The following PTPN13 variants were observed in gnomAD, a reference collection of about 807,000 sequenced individuals.
PTPN13 encodes tyrosine-protein phosphatase non-receptor type 13.
A neutral mutation model predicts 284.0 loss-of-function variants in PTPN13; 191 were observed. That is an observed-to-expected ratio of 0.67 (90% CI 0.60 to 0.76). The LOEUF is 0.76. Among genes scored for constraint, PTPN13 ranks in the 30% least tolerant of loss-of-function variants. The pLI, the probability that PTPN13 is intolerant of heterozygous loss-of-function variation, is 0.00. For synonymous variants in PTPN13, 986 were observed against 1,022.3 expected, an observed-to-expected ratio of 0.96 and a Z score of 0.68; for missense variants, 2,797 against 2,939.9, an observed-to-expected ratio of 0.95 and a Z score of 1.12.
At chr4:86,771,098 T>C (rs1739944616) in intron 30 of PTPN13, 73 bp from the exon 31 acceptor site, 2 of 1,443,302 alleles carry the variant, frequency 1.4e-6, no homozygotes. Flanking sequence ...AGTTGTTCAA[T>C]GGTTTATTTT....
At chr4:86,723,562 A>G (rs1733907570) in intron 10 of PTPN13, among the ~76,000 whole-genome samples, 1 of 152,238 alleles carries the variant, frequency 6.6e-6, no homozygotes. Flanking sequence ...CCCTGCAGCT[A>G]ACTCATTGCA....
At chr4:86,620,571 C>T (rs540775046) in intron 1 of PTPN13, among the ~76,000 whole-genome samples, 1 of 152,306 alleles carries the variant, frequency 6.6e-6, no homozygotes, top group African/African-American at 2.4e-5. Context: ...GGACCTCTTT[C>T]TCCAAGTTTC....
chr4:86,748,475 C>A (rs1270717924), intron 17 of PTPN13, among the ~76,000 whole-genome samples: 1 of 152,120 alleles, frequency 6.6e-6, no homozygotes, highest in Non-Finnish European at 1.5e-5. Context: ...AGCCTGCTAT[C>A]CTTATTCCTG....
Position 86,692,771 on chromosome 4 carries a change from C to T in PTPN13, c.547-816C>T, listed in dbSNP as rs748499409. On this transcript the variant is annotated intron_variant, in intron 5 of 47. Coordinates refer to ENST00000411767, the MANE Select transcript of PTPN13 (RefSeq NM_080683.3). Reference sequence around the variant, plus strand: ...GATTTAAATTTGTTATCCCTCAGAGCGTCCATTTAAAGACTTAGCATTTCT... The same window carrying T: ...GATTTAAATTTGTTATCCCTCAGAGTGTCCATTTAAAGACTTAGCATTTCT... 5.3e-5 allele frequency among the ~76,000 whole-genome samples: 8 copies of T among 152,082 alleles called. No homozygotes were observed. In the South Asian group the frequency reaches 6.2e-4, roughly 12 times the overall value.
At chr4:86,638,522 C>A (rs1039028180) in intron 2 of PTPN13, among the ~76,000 whole-genome samples, 2 of 152,058 alleles carry the variant, frequency 1.3e-5, no homozygotes, top group African/African-American at 4.8e-5. Context: ...AGAAATAATG[C>A]CACATATCTA....
At chr4:86,606,174 G>C (rs1764724018) in intron 1 of PTPN13, among the ~76,000 whole-genome samples, 1 of 151,752 alleles carries the variant, frequency 6.6e-6, no homozygotes, top group South Asian at 2.1e-4. Context: ...TTTAGAACAA[G>C]CGCCAACAAA....
At chr4:86,706,299 C>A (rs1455014543) in intron 7 of PTPN13, among the ~76,000 whole-genome samples, 2 of 152,102 alleles carry the variant, frequency 1.3e-5, no homozygotes, top group Non-Finnish European at 2.9e-5. Context: ...AAGAAGAGAC[C>A]AGATACATGT....
rs888139106 is a variant in PTPN13 at position 86,594,688 on chromosome 4, C to T, written c.-107C>T. 3.9e-5 allele frequency: 6 copies of T among 152,426 alleles called. No individual in the cohort carries two copies. Among genetic ancestry groups the T allele is most frequent in the African/African-American group, 1.2e-4 (5 of 41,540 alleles). 9.4% of individuals were successfully genotyped at this position (152,426 alleles called of 1,614,324 possible). ...CCGCTTGTGGGAGAAGTGGTGGTGG[C>T]TCTCGGCGCCCGCGGCGGCTGCCGG... On this transcript the variant is annotated 5_prime_UTR_variant, in exon 1 of 48. Transcript: ENST00000411767.
At chr4:86,662,458 A>T (rs1017354698) in intron 2 of PTPN13, among the ~76,000 whole-genome samples, 15 of 152,026 alleles carry the variant, frequency 9.9e-5, no homozygotes, top group Admixed American at 9.2e-4. Flanking sequence ...CAGCCTCCCA[A>T]ATACCTGGAA....
In PTPN13 at chr4:86,725,340, G is replaced by T. The variant is rs538027267; in HGVS notation, c.1608+2906G>T. 1.4e-3 allele frequency among the ~76,000 whole-genome samples: 212 copies of T among 149,372 alleles called. 16 individuals are homozygous for T. Among genetic ancestry groups the T allele is most frequent in the African/African-American group, 3.9e-3 (159 of 41,026 alleles). ...TCCTTTGGGTATATACCCAGTAATA[G>T]GATCGCTGGGTCAAATGGTGTTTCT... is the stretch of plus-strand genomic sequence containing the variant. On this transcript the variant is annotated intron_variant, in intron 10 of 47. Transcript: ENST00000411767.
chr4:86,772,966 G>A lies in PTPN13; in HGVS notation c.5349+8G>A, dbSNP rs1166148196. On this transcript the variant is annotated splice_region_variant and intron_variant, in intron 32 of 47. Coordinates refer to ENST00000411767, the MANE Select transcript of PTPN13 (RefSeq NM_080683.3). Reference sequence around the variant, plus strand: ...CTTGAAGACTTTGAACTGGTAAGTTGTTTTCTCTATATTTAAAAAAAAATC... The same window carrying A: ...CTTGAAGACTTTGAACTGGTAAGTTATTTTCTCTATATTTAAAAAAAAATC... The A allele has an allele frequency of 1.3e-6, 2 of 1,532,424 alleles. No homozygotes were observed. The highest frequency in any genetic ancestry group is 2.3e-5 in the East Asian group (1 of 43,256). The allele number at this position is 1,532,424 out of a possible 1,614,324, so 94.9% of individuals were successfully genotyped here.
chr4:86,794,090 G>A (rs1185117526), intron 40 of PTPN13, among the ~76,000 whole-genome samples: 1 of 152,020 alleles, frequency 6.6e-6, no homozygotes. Context: ...CAACAAAATA[G>A]ACTGCTAGCA....
At chr4:86,598,356 T>G (rs4513526) in intron 1 of PTPN13, among the ~76,000 whole-genome samples, 39,531 of 151,942 alleles carry the variant, frequency 0.26, 5,221 homozygotes, top group East Asian at 0.31. Context: ...TGTTGGCCAG[T>G]CTGGTCTTGA....
chr4:86,768,709 CTTTTTTTTTTT>C (rs774501203), intron 28 of PTPN13, among the ~76,000 whole-genome samples: 2 of 130,432 alleles, frequency 1.5e-5, no homozygotes, highest in Non-Finnish European at 3.2e-5. Context: ...TTTCTTCCAT[CTTTTTTTTTTT>C]TTTTTTTTGA....
chr4:86,765,412 T>C lies in PTPN13; in HGVS notation c.4167T>C (p.Ser1389=). Residue 1389 remains serine, a synonymous_variant, in exon 26 of 48, where the codon AGT becomes AGC. Coordinates refer to ENST00000411767, the MANE Select transcript of PTPN13 (RefSeq NM_080683.3). ...GISVTGGVNT[S]VRHGGIYVKA... is the part of the protein sequence containing the mutation. Reference sequence around the variant, plus strand: ...CTCTTTAGGGAGGTGTGAATACGAGTGTCAGACATGGTGGCATTTATGTGA... The same window carrying C: ...CTCTTTAGGGAGGTGTGAATACGAGCGTCAGACATGGTGGCATTTATGTGA... 6.2e-7 allele frequency: 1 copy of C among 1,600,376 alleles called. No homozygotes were observed.
At position 86,713,464 on chromosome 4, in the gene PTPN13, A is replaced by G. The variant is rs149523362; in HGVS notation, c.1196-3066A>G. Among the ~76,000 whole-genome samples the G allele has an allele frequency of 7.9e-5, 12 of 152,246 alleles. No homozygotes were observed. In the East Asian group the frequency reaches 2.1e-3, roughly 27 times the overall value. ...ACAGTCCATTCAAATTACATTCATA[A>G]TGAGCCAGAGGATTATTTTAAATTG... On this transcript the variant is annotated intron_variant, in intron 7 of 47. Transcript: ENST00000411767.
At position 86,769,797 on chromosome 4, in the gene PTPN13, A is replaced by G; in HGVS notation, c.4518A>G (p.Lys1506=). Residue 1506 remains lysine (K), a synonymous_variant, in exon 29 of 48, where the codon AAA becomes AAG. Coordinates refer to ENST00000411767, the MANE Select transcript of PTPN13 (RefSeq NM_080683.3). ...ATACATTTGAGGTAAAATTATTTAAAAATAGCTCAGGTCTAGGATTCAGTT... is the reference window on the plus strand; with the variant it reads ...ATACATTTGAGGTAAAATTATTTAAGAATAGCTCAGGTCTAGGATTCAGTT... ...EENTFEVKLF[K]NSSGLGFSFS... 1 of 1,601,506 alleles carries G rather than the reference A, an allele frequency of 6.2e-7. No individual in the cohort carries two copies. The highest frequency in any genetic ancestry group is 1.3e-5 in the African/African-American group (1 of 74,374).
At chr4:86,731,243 T>C (rs1344555493) in intron 10 of PTPN13, among the ~76,000 whole-genome samples, 4 of 152,178 alleles carry the variant, frequency 2.6e-5, no homozygotes, top group Non-Finnish European at 4.4e-5. Context: ...CATTCTACCT[T>C]TTGCCCATTA....
intron 3 of PTPN13, among the ~76,000 whole-genome samples, chr4:86,680,012 C>A (rs1329158686): frequency 6.6e-6 from 1 of 152,158 alleles, no homozygotes; most frequent in Non-Finnish European, 1.5e-5. Flanking sequence ...TTAACCTCTC[C>A]ATGTCTTAGG....
Sources: allele counts gnomAD v4.1 joint callset (sites outside exome capture counted in the v4.1 genomes callset), GRCh38; gene constraint gnomAD v4.1.1; transcripts MANE v1.5; gene names NCBI Gene and HGNC (gene_info 2026-07-23, HGNC 2026-07-21).